The following TRHDE variants were observed in gnomAD, a reference collection of about 807,000 sequenced individuals.
The protein encoded by TRHDE is thyrotropin releasing hormone degrading enzyme.
In TRHDE, 72 loss-of-function variants were observed where a neutral mutation model predicts 125.7. The observed-to-expected ratio is 0.57, with a 90% CI of 0.47 to 0.70. The LOEUF is 0.70. Among genes scored for constraint, TRHDE ranks in the 30% least tolerant of loss-of-function variants. The pLI is 0.00. For synonymous variants in TRHDE, 509 were observed against 509.1 expected (o/e 1.00, Z 0.00); for missense variants, 1,110 against 1,327.1 (o/e 0.84, Z 2.54).
intron 2 of TRHDE, among the ~76,000 whole-genome samples, chr12:72,222,054 G>A (rs376386972): frequency 9.2e-5 from 14 of 152,142 alleles, no homozygotes; most frequent in East Asian, 7.8e-4. Context: ...CATCGTGGTC[G>A]AAGGCTTCAG....
intron 2 of TRHDE, among the ~76,000 whole-genome samples, chr12:72,307,256 C>T (rs1451886188): frequency 1.3e-5 from 2 of 152,122 alleles, no homozygotes; most frequent in East Asian, 3.8e-4. Flanking sequence ...AAACCTCTGC[C>T]TCCCGGCAAG....
chr12:72,344,741 A>ATT, intron 2 of TRHDE, among the ~76,000 whole-genome samples: 1 of 152,022 alleles, frequency 6.6e-6, no homozygotes, highest in Non-Finnish European at 1.5e-5. Context: ...GCCACTCCCA[A>ATT]GCCTCCACCC....
chr12:72,443,061 C>T (rs567743453), intron 3 of TRHDE, among the ~76,000 whole-genome samples: 1 of 151,936 alleles, frequency 6.6e-6, no homozygotes, highest in African/African-American at 2.4e-5. Context: ...CTTAGCATGA[C>T]ATGTAAAGTC....
intron 3 of TRHDE, among the ~76,000 whole-genome samples, chr12:72,449,617 G>A (rs570490565): frequency 6.6e-6 from 1 of 151,890 alleles, no homozygotes; most frequent in East Asian, 1.9e-4. Flanking sequence ...ATTTATTGTA[G>A]GTCCTTTGAG....
chr12:72,153,371 AG>A (rs1876418098), intron 2 of TRHDE, among the ~76,000 whole-genome samples: 1 of 152,088 alleles, frequency 6.6e-6, no homozygotes, highest in African/African-American at 2.4e-5. Flanking sequence ...GATTTTTTGA[AG>A]GGTTTTTTGT....
chr12:72,415,494 T>C (rs1003316370), intron 3 of TRHDE, among the ~76,000 whole-genome samples: 3 of 151,936 alleles, frequency 2.0e-5, no homozygotes, highest in Non-Finnish European at 2.9e-5. Flanking sequence ...TAACTATATT[T>C]TTGTTCCTTT....
chr12:72,366,705 G>A (rs964608488), intron 2 of TRHDE, among the ~76,000 whole-genome samples: 1 of 151,984 alleles, frequency 6.6e-6, no homozygotes, highest in Non-Finnish European at 1.5e-5. Context: ...AACCCCCATA[G>A]TATGTAGCAG....
intron 15 of TRHDE, among the ~76,000 whole-genome samples, chr12:72,637,887 G>A (rs562685843): frequency 6.6e-6 from 1 of 151,878 alleles, no homozygotes; most frequent in Non-Finnish European, 1.5e-5. Context: ...TATAATTTCT[G>A]TTCTTTTACA....
intron 2 of TRHDE, among the ~76,000 whole-genome samples, chr12:72,364,155 A>G (rs1025456091): frequency 2.0e-5 from 3 of 152,080 alleles, no homozygotes; most frequent in Admixed American, 6.6e-5. Context: ...TTCCATGCTC[A>G]TGGGTAGGAA....
At chr12:72,467,028 T>C (rs900109895) in intron 3 of TRHDE, among the ~76,000 whole-genome samples, 4 of 152,190 alleles carry the variant, frequency 2.6e-5, no homozygotes, top group Admixed American at 6.5e-5. Flanking sequence ...CAATGAGTAT[T>C]TGTTGTATAT....
At chr12:72,620,338 C>CAAAAAAAAAAAAAAAAAAA (rs3080963) in intron 13 of TRHDE, among the ~76,000 whole-genome samples, 1 of 67,506 alleles carries the variant, frequency 1.5e-5, no homozygotes, top group Non-Finnish European at 3.5e-5. Flanking sequence ...CCCATCTCTA[C>CAAAAAAAAAAAAAAAAAAA]AAAAAAAAAA....
chr12:72,613,941 G>T (rs1385184750), intron 12 of TRHDE, among the ~76,000 whole-genome samples: 1 of 152,120 alleles, frequency 6.6e-6, no homozygotes, highest in Non-Finnish European at 1.5e-5. Context: ...TAGTGCTGGT[G>T]TCAGTCTGGG....
rs199825088 is a variant in TRHDE at position 72,186,781 on chromosome 12, CT to C, written n.279+81040del. Among the ~76,000 whole-genome samples, 942 of 147,066 alleles carry C rather than the reference CT, an allele frequency of 6.4e-3. 11 individuals carry two copies. The highest frequency in any genetic ancestry group is 0.021 in the African/African-American group (834 of 40,332). Reference sequence around the variant, plus strand: ...TTTTGACTTTTTATTAGACATGGATCTTTTTTTTTTTAAGTCCTACTACTGC... The same window carrying C: ...TTTTGACTTTTTATTAGACATGGATCTTTTTTTTTTAAGTCCTACTACTGC... On this transcript the variant is annotated intron_variant and non_coding_transcript_variant, in intron 2 of 4. Coordinates refer to the TRHDE transcript ENST00000548156.
intron 2 of TRHDE, among the ~76,000 whole-genome samples, chr12:72,190,257 C>T (rs1020109966): frequency 2.6e-5 from 4 of 152,204 alleles, no homozygotes; most frequent in African/African-American, 9.6e-5. Context: ...CATCAACCCA[C>T]CTGTGGCCTC....
At chr12:72,365,534 G>T (rs545528272) in intron 2 of TRHDE, among the ~76,000 whole-genome samples, 3 of 152,120 alleles carry the variant, frequency 2.0e-5, no homozygotes, top group Admixed American at 2.0e-4. Context: ...ATTTTCTTCT[G>T]TGTATCACTT....
chr12:72,629,490 G>T (rs770502713), intron 15 of TRHDE, among the ~76,000 whole-genome samples: 1 of 151,676 alleles, frequency 6.6e-6, no homozygotes, highest in Non-Finnish European at 1.5e-5. Flanking sequence ...CTATTGATTA[G>T]TTGTAGAATA....
intron 3 of TRHDE, among the ~76,000 whole-genome samples, chr12:72,420,670 G>A (rs868281395): frequency 9.9e-5 from 15 of 152,018 alleles, no homozygotes; most frequent in African/African-American, 3.4e-4. Context: ...AGAGTTTAGG[G>A]AATAAAACCA....
At chr12:72,529,583 T>C (rs1272466207) in intron 6 of TRHDE, among the ~76,000 whole-genome samples, 9 of 152,156 alleles carry the variant, frequency 5.9e-5, no homozygotes. Context: ...TGACGTTTGT[T>C]TGAAGTTTTT....
At chr12:72,554,295 GGTATTTTTCTAAGTC>G (rs1354129835) in intron 7 of TRHDE, among the ~76,000 whole-genome samples, 1 of 151,962 alleles carries the variant, frequency 6.6e-6, no homozygotes, top group Non-Finnish European at 1.5e-5. Context: ...TTATGTGGCT[GGTATTTTTCTAAGTC>G]GTTTATTTGT....
Sources: gnomAD v4.1 joint callset for allele counts (sites outside exome capture counted in the v4.1 genomes callset) on GRCh38, gnomAD v4.1.1 for gene constraint, MANE v1.5 for transcripts, NCBI Gene and HGNC (gene_info 2026-07-23, HGNC 2026-07-21) for gene names.